The following ANAPC16 variants were observed in gnomAD, a reference collection of about 807,000 sequenced individuals.
ANAPC16 encodes the protein anaphase-promoting complex subunit 16.
A neutral mutation model predicts 13.1 loss-of-function variants in ANAPC16; 6 were observed. The observed-to-expected ratio is 0.46, with a 90% CI of 0.25 to 0.90. The LOEUF (loss-of-function observed/expected upper bound fraction) is 0.90, where lower values mean the gene tolerates loss of function less well. Ranked by LOEUF, ANAPC16 falls within the 40% of genes least tolerant of loss-of-function variation. The pLI is 0.18. For synonymous variants in ANAPC16, 55 were observed against 51.3 expected, an observed-to-expected ratio of 1.07 and a Z score of -0.31; for missense variants, 113 against 131.1, an observed-to-expected ratio of 0.86 and a Z score of 0.67.
rs545605521 is a variant in ANAPC16 at position 72,228,925 on chromosome 10, C to T, written c.143-1441C>T. ...TGAGAGGTGGCACTTTCAGGAGCTTCCATATACATCTTGGCCTGATCCTTA... is the reference window on the plus strand; with the variant it reads ...TGAGAGGTGGCACTTTCAGGAGCTTTCATATACATCTTGGCCTGATCCTTA... On this transcript the variant is annotated intron_variant, in intron 2 of 3. Transcript: ENST00000299381. Among the ~76,000 whole-genome samples the T allele has an allele frequency of 2.6e-5, 4 of 152,332 alleles. No homozygotes were observed. The South Asian group carries it at 8.3e-4, about 32-fold the overall frequency.
At chr10:72,232,900 G>T in intron 3 of ANAPC16, 101 bp from the exon 4 acceptor site, 1 of 949,580 alleles carries the variant, frequency 1.1e-6, no homozygotes, top group South Asian at 1.5e-5. Context: ...CACCACACCC[G>T]GCCTAGAAAT....
At chr10:72,217,310 T>C (rs1441610765) in intron 1 of ANAPC16, among the ~76,000 whole-genome samples, 1 of 151,730 alleles carries the variant, frequency 6.6e-6, no homozygotes, top group Non-Finnish European at 1.5e-5. Flanking sequence ...CCGTCTCTCC[T>C]AAAAAATACA....
At chr10:72,218,160 AAAAAAATATATATATATATATATATAT>A (rs1231744112) in intron 1 of ANAPC16, among the ~76,000 whole-genome samples, 7 of 39,162 alleles carry the variant, frequency 1.8e-4, no homozygotes, top group African/African-American at 4.6e-4. Context: ...AAAAAAAAAA[AAAAAAATATATATATATATATATATAT>A]ATATATATAT....
At chr10:72,218,164 AAATATATATATATATAT>A (rs1171732338) in intron 1 of ANAPC16, among the ~76,000 whole-genome samples, 45 of 22,066 alleles carry the variant, frequency 2.0e-3, no homozygotes, top group South Asian at 3.9e-3. Context: ...AAAAAAAAAA[AAATATATATATATATAT>A]ATATATATAT....
intron 1 of ANAPC16, among the ~76,000 whole-genome samples, chr10:72,216,486 C>A (rs1202510959): frequency 8.2e-6 from 1 of 121,492 alleles, no homozygotes; most frequent in Admixed American, 8.1e-5. Flanking sequence ...TCCCGCCCCC[C>A]CCCCCCCCCG....
At chr10:72,217,470 C>T (rs1859554004) in intron 1 of ANAPC16, among the ~76,000 whole-genome samples, 1 of 132,642 alleles carries the variant, frequency 7.5e-6, no homozygotes, top group African/African-American at 3.5e-5. Context: ...GAGAATCCGT[C>T]TCAAAAAAAA....
At chr10:72,228,622 G>C (rs1271654464) in intron 2 of ANAPC16, among the ~76,000 whole-genome samples, 1 of 152,182 alleles carries the variant, frequency 6.6e-6, no homozygotes, top group Non-Finnish European at 1.5e-5. Flanking sequence ...ATTGCCCCCA[G>C]CTGACTCCGT....
intron 1 of ANAPC16, among the ~76,000 whole-genome samples, chr10:72,222,091 G>A (rs187361939): frequency 2.0e-5 from 3 of 151,420 alleles, no homozygotes; most frequent in African/African-American, 7.3e-5. Flanking sequence ...GACTTTGGGA[G>A]ACCACGGTGG....
chr10:72,232,724 C>G (rs1860359305), intron 3 of ANAPC16, among the ~76,000 whole-genome samples: 2 of 151,110 alleles, frequency 1.3e-5, no homozygotes, highest in South Asian at 4.2e-4. Context: ...CTGCCTCAGC[C>G]TCCCGAGTAG....
intron 1 of ANAPC16, among the ~76,000 whole-genome samples, chr10:72,219,782 G>T (rs1216470857): frequency 6.6e-6 from 1 of 152,086 alleles, no homozygotes; most frequent in African/African-American, 2.4e-5. Context: ...TTGCATTTTT[G>T]CTGACAGTCT....
intron 3 of ANAPC16, among the ~76,000 whole-genome samples, chr10:72,232,022 A>G (rs556290881): frequency 6.6e-6 from 1 of 151,314 alleles, no homozygotes; most frequent in South Asian, 2.1e-4. Context: ...CCCCATCTCT[A>G]CTAAAAATAC....
chr10:72,219,181 A>G (rs978969433), intron 1 of ANAPC16, among the ~76,000 whole-genome samples: 1 of 152,224 alleles, frequency 6.6e-6, no homozygotes, highest in African/African-American at 2.4e-5. Flanking sequence ...ATAAAGACTG[A>G]GCTGCTCTCC....
intron 1 of ANAPC16, among the ~76,000 whole-genome samples, chr10:72,218,163 AAAATATATAT>A (rs1564789226): frequency 2.6e-4 from 9 of 34,212 alleles, no homozygotes; most frequent in East Asian, 1.3e-3. Context: ...AAAAAAAAAA[AAAATATATAT>A]ATATATATAT....
Position 72,233,425 on chromosome 10 carries a change from G to T in ANAPC16, c.*309G>T. 4.1e-6 allele frequency: 1 copy of T among 243,950 alleles called. No individual in the cohort carries two copies. Among genetic ancestry groups the T allele is most frequent in the Admixed American group, 4.9e-5 (1 of 20,444 alleles). 15.1% of individuals were successfully genotyped at this position (243,950 alleles called of 1,614,324 possible). A position where few individuals can be genotyped will look rare whatever the true frequency, so the allele number is the denominator to read the frequency against. On this transcript the variant is annotated 3_prime_UTR_variant, in exon 4 of 4. Transcript: ENST00000299381. ...CACAAGCCAAGTAGGGCATATATCA[G>T]ATTTGGCCAACTGAATGGCGTCTGT...
At chr10:72,223,123 T>A (rs1158352691) in intron 1 of ANAPC16, 1 of 137,126 alleles carries the variant, frequency 7.3e-6, no homozygotes, top group African/African-American at 2.8e-5. Context: ...AGTCCCGCTC[T>A]GTCGCCCAGG....
chr10:72,216,661 TAGAA>T (rs991050016), intron 1 of ANAPC16, among the ~76,000 whole-genome samples: 26 of 152,084 alleles, frequency 1.7e-4, no homozygotes, highest in African/African-American at 5.8e-4. Flanking sequence ...ATATATCTGT[TAGAA>T]AGGAAAGGAA....
At chr10:72,221,476 A>C (rs570194945) in intron 1 of ANAPC16, among the ~76,000 whole-genome samples, 13 of 152,080 alleles carry the variant, frequency 8.5e-5, no homozygotes, top group African/African-American at 3.1e-4. Context: ...GCAGTGCAGA[A>C]ATAGAACACT....
intron 1 of ANAPC16, among the ~76,000 whole-genome samples, chr10:72,222,054 C>A (rs1021374079): frequency 1.4e-4 from 21 of 149,310 alleles, no homozygotes; most frequent in African/African-American, 5.2e-4. Context: ...ATACTAAATA[C>A]ACTTGTTAGA....
At chr10:72,216,354 GGCGTAGTTTCCTGGGGACCCA>G (rs2133608856) in intron 1 of ANAPC16, 2 of 171,038 alleles carry the variant, frequency 1.2e-5, no homozygotes, top group Admixed American at 1.1e-4. Context: ...CAGCGCCGAT[GGCGTAGTTTCCTGGGGACCCA>G]GCTGGGTGGG....
Sources: allele counts gnomAD v4.1 joint callset (sites outside exome capture counted in the v4.1 genomes callset), GRCh38; gene constraint gnomAD v4.1.1; transcripts MANE v1.5; gene names NCBI Gene and HGNC (gene_info 2026-07-23, HGNC 2026-07-21).